Variants in RPAP1 observed in about 807,000 individuals in gnomAD.
The protein encoded by RPAP1 is RNA polymerase II associated protein 1, also known as RNA polymerase II-associated protein 1.
A neutral mutation model predicts 142.4 loss-of-function variants in RPAP1; 109 were observed. The observed-to-expected ratio is 0.77, with a 90% confidence interval of 0.66 to 0.90. The LOEUF is 0.90. RPAP1 is among the 40% of genes least tolerant of loss of function. The pLI is 0.00. For missense variants in RPAP1, 1,546 were observed against 1,751.7 expected (o/e 0.88, Z 2.10); for synonymous variants, 704 against 738.9 (o/e 0.95, Z 0.77).
intron 6 of RPAP1, among the ~76,000 whole-genome samples, chr15:41,533,019 C>CCAGGTAGATCTATATGAGAA (rs2051870355): frequency 6.7e-6 from 1 of 150,308 alleles, no homozygotes; most frequent in African/African-American, 2.5e-5. Context: ...GCATATGAGA[C>CCAGGTAGATCTATATGAGAA]CAGGTAGATC....
rs1312712074 is a variant in RPAP1 at position 41,530,908 on chromosome 15, T to C, written c.943+115A>G. 4.0e-6 allele frequency: 4 copies of C among 997,114 alleles called. No homozygotes were observed. In the East Asian group the frequency reaches 7.2e-5, roughly 18 times the overall value. 61.8% of individuals were successfully genotyped at this position (997,114 alleles called of 1,614,324 possible). A position where few individuals can be genotyped will look rare whatever the true frequency, so the allele number is the denominator to read the frequency against. On this transcript the variant is annotated intron_variant, in intron 7 of 24. Coordinates refer to ENST00000304330, the MANE Select transcript of RPAP1 (RefSeq NM_015540.4). ...ACTTGAAGCCAATAATGAGGATTAATGTTAGATGTCCAAAAGCACAGAAGC... is the reference window on the plus strand; with the variant it reads ...ACTTGAAGCCAATAATGAGGATTAACGTTAGATGTCCAAAAGCACAGAAGC...
At chr15:41,543,263 G>T (rs549986327) in intron 1 of RPAP1, among the ~76,000 whole-genome samples, 1 of 133,498 alleles carries the variant, frequency 7.5e-6, no homozygotes, top group Non-Finnish European at 1.5e-5. Context: ...AGGCTGGAGT[G>T]CAATAGCACG....
chr15:41,517,785 G>C lies in RPAP1; in HGVS notation c.4032+13C>G. ...CCTCTAATATCCCACCCTCCTAATGGCCCTGACCCTACCTCATCTGCCAGC... is the reference window on the plus strand; with the variant it reads ...CCTCTAATATCCCACCCTCCTAATGCCCCTGACCCTACCTCATCTGCCAGC... On this transcript the variant is annotated intron_variant, in intron 24 of 24. Coordinates refer to ENST00000304330, the MANE Select transcript of RPAP1 (RefSeq NM_015540.4). The C allele has an allele frequency of 6.2e-7, 1 of 1,614,084 alleles. No individual in the cohort carries two copies. Among genetic ancestry groups the C allele is most frequent in the Non-Finnish European group, 8.5e-7 (1 of 1,180,016 alleles).
At chr15:41,518,936 C>G (rs1385168430) in intron 22 of RPAP1, among the ~76,000 whole-genome samples, 1 of 152,200 alleles carries the variant, frequency 6.6e-6, no homozygotes, top group Non-Finnish European at 1.5e-5. Flanking sequence ...ATTTCCAAGT[C>G]TGGAATGCAG....
At chr15:41,536,745 C>G in intron 2 of RPAP1, 96 bp from the exon 3 acceptor site, 7 of 1,496,438 alleles carry the variant, frequency 4.7e-6, no homozygotes, top group Non-Finnish European at 6.3e-6. Context: ...GGGGCCCTGG[C>G]TCAAGCTGTG....
chr15:41,534,583 C>CAAAAAAAA (rs764568682), intron 6 of RPAP1, 131 bp downstream of exon 6: 6 of 179,562 alleles, frequency 3.3e-5, no homozygotes, highest in Non-Finnish European at 6.0e-5. Context: ...AAGACCATCT[C>CAAAAAAAA]AAAAAAAAAA....
Position 41,522,948 on chromosome 15 carries a change from A to G in RPAP1, c.2559T>C (p.Leu853=). 1 of 1,542,030 alleles carries G rather than the reference A, an allele frequency of 6.5e-7. No individual in the cohort carries two copies. Among genetic ancestry groups the G allele is most frequent in the Non-Finnish European group, 8.7e-7 (1 of 1,154,396 alleles). Residue 853 remains leucine (L), a synonymous_variant, in exon 19 of 25, where the codon CTT becomes CTC. Transcript: ENST00000304330. The part of the protein sequence containing the change: ...SLWDSLRHCS[L]LCNPLSCVPA... The stretch of plus-strand genomic sequence containing the variant: ...GCACACAGGACAGCGGGTTGCAGAG[A>G]AGGGAGCAGTGCCTGTAGGTGAAGT...
In RPAP1 at chr15:41,527,522, C is replaced by T; in HGVS notation, c.1512G>A (p.Glu504=). 2 of 1,613,870 alleles carry T rather than the reference C, an allele frequency of 1.2e-6. No homozygotes were observed. Among genetic ancestry groups the T allele is most frequent in the Non-Finnish European group, 1.7e-6 (2 of 1,179,798 alleles). ...CTGCTGGGCATTCTTCATCCTCGTCCTCATCCTCCTTGTCCTCCTGGCTGG... is the reference window on the plus strand; with the variant it reads ...CTGCTGGGCATTCTTCATCCTCGTCTTCATCCTCCTTGTCCTCCTGGCTGG... ...LMPSQEDKED[E]DEDEECPAGK... The change falls in exon 12 of 25, where the codon GAG becomes GAA. Residue 504 remains glutamate, a synonymous_variant. Transcript: ENST00000304330.
intron 1 of RPAP1, among the ~76,000 whole-genome samples, chr15:41,537,486 T>C (rs1182254673): frequency 6.6e-6 from 1 of 152,252 alleles, no homozygotes; most frequent in East Asian, 1.9e-4. Flanking sequence ...ATAAATGTTG[T>C]CATAATGGGG....
At chr15:41,530,319 C>T (rs1281663274) in intron 7 of RPAP1, among the ~76,000 whole-genome samples, 1 of 152,146 alleles carries the variant, frequency 6.6e-6, no homozygotes, top group Non-Finnish European at 1.5e-5. Context: ...GGCACCATCT[C>T]CACTTTCCAG....
intron 6 of RPAP1, among the ~76,000 whole-genome samples, chr15:41,534,031 A>C (rs1265525461): frequency 6.6e-6 from 1 of 151,632 alleles, no homozygotes; most frequent in Non-Finnish European, 1.5e-5. Context: ...CTGAGGCAGG[A>C]GAATCATTTG....
At chr15:41,523,704 C>A in intron 17 of RPAP1, 67 bp downstream of exon 17, 1 of 1,348,308 alleles carries the variant, frequency 7.4e-7, no homozygotes, top group South Asian at 1.3e-5. Context: ...AGAGAGGGAG[C>A]AACGGGTGGA....
At chr15:41,525,443 A>C (rs1211342257) in intron 14 of RPAP1, among the ~76,000 whole-genome samples, 1 of 150,810 alleles carries the variant, frequency 6.6e-6, no homozygotes, top group Non-Finnish European at 1.5e-5. Context: ...GGTTCAAGAG[A>C]CTCTCCTGCC....
chr15:41,525,681 G>A (rs1425941988), intron 14 of RPAP1, among the ~76,000 whole-genome samples: 2 of 151,336 alleles, frequency 1.3e-5, no homozygotes, highest in African/African-American at 4.9e-5. Context: ...TTTAGATGGA[G>A]TCTCGCTCTG....
rs780619356 is a variant in RPAP1 at position 41,517,503 on chromosome 15, C to T, written c.*39G>A. 1 of 1,501,914 alleles carries T rather than the reference C, an allele frequency of 6.7e-7. No homozygotes were observed. Among genetic ancestry groups the T allele is most frequent in the Admixed American group, 2.2e-5 (1 of 45,448 alleles). 93.0% of individuals were successfully genotyped at this position (1,501,914 alleles called of 1,614,324 possible). On this transcript the variant is annotated 3_prime_UTR_variant, in exon 25 of 25. Transcript: ENST00000304330. Reference sequence around the variant, plus strand: ...CAGACATCTGTTGAAAGGCTGGATACAGGACAACGTACCCATCTTTCCATC... The same window carrying T: ...CAGACATCTGTTGAAAGGCTGGATATAGGACAACGTACCCATCTTTCCATC...
In RPAP1 at chr15:41,531,187, G is replaced by A. The variant is rs375103691; in HGVS notation, c.779C>T (p.Ala260Val). ...CGTGTGGCTGTGAGATCTCAAGAAAGCAACCAAGCTGGGGTCTAGAGGCGA... is the reference window on the plus strand; with the variant it reads ...CGTGTGGCTGTGAGATCTCAAGAAAACAACCAAGCTGGGGTCTAGAGGCGA... The part of the protein sequence containing the change: ...LLAQLDPSLV[A>V]FLRSHSHTQE... The change falls in exon 7 of 25, where the codon GCT (alanine) becomes GTT (valine). Residue 260 changes from alanine to valine, a missense_variant. Ala to Val is a moderately conservative substitution (Grantham distance 64). This residue lies in a region of RPAP1 where 1,333 missense variants were observed against 1,486.6 expected (regional missense o/e 0.90). Transcript: ENST00000304330. 5.6e-6 allele frequency: 9 copies of A among 1,611,922 alleles called. No homozygotes were observed. The African/African-American group carries it at 6.7e-5, about 12-fold the overall frequency.
In RPAP1 at chr15:41,523,344, C is replaced by G; in HGVS notation, c.2447G>C (p.Cys816Ser). The change falls in exon 18 of 25, where the codon TGC becomes TCC. Residue 816 changes from cysteine (C) to serine (S), a missense_variant. By Grantham distance (112) the Cys-to-Ser change is moderately radical (BLOSUM62 -1). Coordinates refer to ENST00000304330, the MANE Select transcript of RPAP1 (RefSeq NM_015540.4). ...CATGTCCTGGAGCCAATCCTCCGGG[C>G]ATGAGCTTGGCTGGTGGACCAAGGA... Reference protein sequence around the residue: ...YQAWSQQPSSCPEDWLQDMQR... With the variant: ...YQAWSQQPSSSPEDWLQDMQR... The G allele has an allele frequency of 6.2e-7, 1 of 1,602,504 alleles. No homozygotes were observed. The highest frequency in any genetic ancestry group is 8.5e-7 in the Non-Finnish European group (1 of 1,173,894).
chr15:41,543,687 AGT>A (rs913354272), intron 1 of RPAP1, among the ~76,000 whole-genome samples: 6 of 152,144 alleles, frequency 3.9e-5, no homozygotes, highest in Admixed American at 2.0e-4. Flanking sequence ...TAAAGCCACC[AGT>A]GTGTTTCCCC....
chr15:41,536,321 G>C (rs2051906812), intron 3 of RPAP1, 103 bp from the exon 4 acceptor site: 1 of 1,311,776 alleles, frequency 7.6e-7, no homozygotes, highest in African/African-American at 1.5e-5. Flanking sequence ...CCTCACTCTG[G>C]GGGGTTACGG....
Sources: gnomAD v4.1 joint callset for allele counts (sites outside exome capture counted in the v4.1 genomes callset) on GRCh38, gnomAD v4.1.1 for gene constraint, gnomAD v4.1.1 regional missense constraint, MANE v1.5 for transcripts, NCBI Gene and HGNC (gene_info 2026-07-23, HGNC 2026-07-21) for gene names.